Variants in PARD6G observed in about 807,000 individuals in gnomAD.
The protein encoded by PARD6G is partitioning defective 6 homolog gamma.
In PARD6G, 7 loss-of-function variants were observed where a neutral mutation model predicts 10.7. The observed-to-expected ratio is 0.66, with a 90% CI of 0.37 to 1.23. PARD6G has a LOEUF of 1.23. PARD6G is among the 50% of genes most tolerant of loss of function. PARD6G has a pLI of 0.02. For missense variants in PARD6G, 548 were observed against 571.8 expected (o/e 0.96, Z 0.42); for synonymous variants, 287 against 269.4 (o/e 1.07, Z -0.64).
At chr18:80,193,854 C>T (rs2145273721) in intron 2 of PARD6G, among the ~76,000 whole-genome samples, 1 of 152,252 alleles carries the variant, frequency 6.6e-6, no homozygotes, top group East Asian at 1.9e-4. Flanking sequence ...TCCAACAGCA[C>T]CTCTCACCCC....
Position 80,183,249 on chromosome 18 carries a change from A to G in PARD6G, c.295+19461T>C, listed in dbSNP as rs1789555093. ...TCTGCAAAACAAGCTGCAGATAGGCATGGAGAAGAGCAAAGCCGCATACAG... is the reference window on the plus strand; with the variant it reads ...TCTGCAAAACAAGCTGCAGATAGGCGTGGAGAAGAGCAAAGCCGCATACAG... On this transcript the variant is annotated intron_variant, in intron 2 of 2. Transcript: ENST00000353265. The surrounding 1 kb of genome is among the most constrained non-coding windows in gnomAD (Gnocchi z 4.5). 6 of 699,418 alleles carry G rather than the reference A, an allele frequency of 8.6e-6. No individual in the cohort carries two copies. The South Asian group carries it at 8.9e-5, about 10-fold the overall frequency. The allele number at this position is 699,418 out of a possible 1,614,324, so 43.3% of individuals were successfully genotyped here.
chr18:80,204,724 A>G (rs781355960), intron 1 of PARD6G, among the ~76,000 whole-genome samples: 215 of 152,172 alleles, frequency 1.4e-3, no homozygotes, highest in South Asian at 2.7e-3. Context: ...CAAGGCGGGC[A>G]GATTACTTGA....
chr18:80,232,060 C>T (rs536188548), intron 1 of PARD6G, among the ~76,000 whole-genome samples: 1 of 152,242 alleles, frequency 6.6e-6, no homozygotes, highest in South Asian at 2.1e-4. Flanking sequence ...TTTTTCAGGG[C>T]ATTTTTAAAA....
intron 1 of PARD6G, among the ~76,000 whole-genome samples, chr18:80,215,533 G>C (rs1355975510): frequency 6.6e-6 from 1 of 152,110 alleles, no homozygotes; most frequent in Non-Finnish European, 1.5e-5. Context: ...CAAAATTTTT[G>C]TATATAATTG....
rs776904369 is a variant in PARD6G at position 80,159,911 on chromosome 18, G to A, written c.991C>T (p.Leu331=). Residue 331 remains leucine, a synonymous_variant, in exon 3 of 3, where the codon CTG becomes TTG. Transcript: ENST00000353265. ...AGGTCCCGCTGCAGCCGCTGCGCCA[G>A]GCCCGCGCCATTGACCCGGGAGAGG... ...GSLSRVNGAG[L]AQRLQRDLAL... is the part of the protein sequence containing the mutation. 1.3e-6 allele frequency: 2 copies of A among 1,515,544 alleles called. No individual in the cohort carries two copies. The highest frequency in any genetic ancestry group is 2.9e-5 in the African/African-American group (2 of 69,724). The allele number at this position is 1,515,544 out of a possible 1,614,324, so 93.9% of individuals were successfully genotyped here.
chr18:80,176,934 A>G (rs1487674797), intron 2 of PARD6G, among the ~76,000 whole-genome samples: 1 of 150,792 alleles, frequency 6.6e-6, no homozygotes, highest in Non-Finnish European at 1.5e-5. Flanking sequence ...CACAGTCCAG[A>G]TGGGAAGCAT....
chr18:80,219,391 G>T (rs1460791864), intron 1 of PARD6G, among the ~76,000 whole-genome samples: 1 of 152,120 alleles, frequency 6.6e-6, no homozygotes, highest in Non-Finnish European at 1.5e-5. Flanking sequence ...GTATTTTTTA[G>T]TAGAGATGCA....
intron 2 of PARD6G, among the ~76,000 whole-genome samples, chr18:80,174,898 G>A (rs576782186): frequency 3.9e-5 from 6 of 152,134 alleles, no homozygotes; most frequent in Non-Finnish European, 2.9e-5. Context: ...AGAGTGAGCC[G>A]AGATTGTACC....
intron 1 of PARD6G, among the ~76,000 whole-genome samples, chr18:80,206,322 T>C (rs907862795): frequency 1.3e-5 from 2 of 152,154 alleles, no homozygotes; most frequent in South Asian, 4.1e-4. Context: ...AAAAATCATA[T>C]TGGTATTGGG....
At chr18:80,212,150 C>G (rs945685062) in intron 1 of PARD6G, among the ~76,000 whole-genome samples, 1 of 152,172 alleles carries the variant, frequency 6.6e-6, no homozygotes, top group African/African-American at 2.4e-5. Context: ...AGTTTCCTCC[C>G]ACGTCCCAAA....
At chr18:80,162,390 AAAAAT>A (rs1271662750) in intron 2 of PARD6G, 1 of 163,926 alleles carries the variant, frequency 6.1e-6, no homozygotes, top group East Asian at 1.9e-4. Context: ...ACAAAAATAA[AAAAAT>A]AAAATGACAC....
At chr18:80,210,832 C>A (rs551682408) in intron 1 of PARD6G, among the ~76,000 whole-genome samples, 1 of 152,138 alleles carries the variant, frequency 6.6e-6, no homozygotes, top group Non-Finnish European at 1.5e-5. Context: ...CCTAAAACCA[C>A]GGAAAGTGGG....
intron 1 of PARD6G, among the ~76,000 whole-genome samples, chr18:80,233,077 C>T (rs1967378476): frequency 6.6e-6 from 1 of 152,154 alleles, no homozygotes; most frequent in African/African-American, 2.4e-5. Flanking sequence ...ACCCCAGCTG[C>T]TCATCTCCTG....
intron 2 of PARD6G, among the ~76,000 whole-genome samples, chr18:80,177,390 G>C (rs2052819517): frequency 6.9e-6 from 1 of 144,462 alleles, no homozygotes; most frequent in Non-Finnish European, 1.5e-5. Flanking sequence ...AGGATAAATA[G>C]CCCAAATGGG....
chr18:80,226,175 T>G (rs1432279206), intron 1 of PARD6G, among the ~76,000 whole-genome samples: 15 of 143,032 alleles, frequency 1.0e-4, no homozygotes, highest in African/African-American at 5.2e-5. Context: ...TTTTTTTTTT[T>G]TTTTTTTTTT....
chr18:80,182,928 A>G lies in PARD6G; in HGVS notation c.295+19782T>C. The G allele has an allele frequency of 1.7e-6, 1 of 598,452 alleles. No individual in the cohort carries two copies. Among genetic ancestry groups the G allele is most frequent in the Non-Finnish European group, 3.0e-6 (1 of 335,358 alleles). 37.1% of individuals were successfully genotyped at this position (598,452 alleles called of 1,614,324 possible). ...TTTGGCTGAAGCTGCGTGTGCCACA[A>G]CACTGCAGGCCCCACACCACGCAGC... On this transcript the variant is annotated intron_variant, in intron 2 of 2. Coordinates refer to ENST00000353265, the MANE Select transcript of PARD6G (RefSeq NM_032510.4). The surrounding 1 kb of genome is among the most constrained non-coding windows in gnomAD (Gnocchi z 4.5).
intron 2 of PARD6G, among the ~76,000 whole-genome samples, chr18:80,164,035 G>A (rs2052718737): frequency 1.3e-5 from 2 of 152,130 alleles, no homozygotes; most frequent in South Asian, 2.1e-4. Context: ...AGACCAAAAA[G>A]CCCCATCAAA....
chr18:80,194,515 G>A (rs1184054785), intron 2 of PARD6G, among the ~76,000 whole-genome samples: 5 of 152,058 alleles, frequency 3.3e-5, no homozygotes, highest in Admixed American at 6.6e-5. Context: ...AGAACATTAC[G>A]TGTTTCTGAG....
chr18:80,178,361 G>C (rs2052828619), intron 2 of PARD6G: 1 of 152,606 alleles, frequency 6.6e-6, no homozygotes, highest in African/African-American at 2.4e-5. Context: ...CTGGGCTGAG[G>C]GGAACCCCAC....
Sources: allele counts gnomAD v4.1 joint callset (sites outside exome capture counted in the v4.1 genomes callset), GRCh38; gene constraint gnomAD v4.1.1; non-coding constraint Gnocchi (gnomAD v3.1); transcripts MANE v1.5; gene names NCBI Gene and HGNC (gene_info 2026-07-23, HGNC 2026-07-21).